XYLB: variants seen among roughly 807,000 people sequenced by gnomAD.
XYLB encodes xylulose kinase.
Under a neutral mutation model 78.7 loss-of-function variants are expected in XYLB, and 62 were observed. The ratio of observed to expected loss-of-function variants is 0.79; its 90% CI spans 0.64 to 0.97. The LOEUF is 0.97. Ranked by LOEUF, XYLB falls within the 50% of genes least tolerant of loss-of-function variation. The pLI is 0.00. For missense variants in XYLB, 687 were observed against 676.8 expected (o/e 1.02, Z -0.17); for synonymous variants, 245 against 247.4 (o/e 0.99, Z 0.09).
chr3:38,397,249 C>T (rs1241302779), intron 17 of XYLB, 90 bp downstream of exon 17: 1 of 1,258,814 alleles, frequency 7.9e-7, no homozygotes, highest in East Asian at 2.3e-5. Context: ...TGAGGTGTAC[C>T]CAGTCTTTGG....
chr3:38,424,113 T>G (rs1303444116), downstream of XYLB, among the ~76,000 whole-genome samples: 2 of 152,274 alleles, frequency 1.3e-5, no homozygotes, highest in East Asian at 3.9e-4. Context: ...TTACAGCTGA[T>G]TGAAAAGCAA....
downstream of XYLB, among the ~76,000 whole-genome samples, chr3:38,419,594 AT>A (rs1559628746): frequency 4.4e-3 from 535 of 121,216 alleles, 93 homozygotes; most frequent in Admixed American, 0.042. Flanking sequence ...ATATATATAT[AT>A]ATATATATAA....
intron 15 of XYLB, among the ~76,000 whole-genome samples, chr3:38,381,846 A>G (rs1446528880): frequency 6.6e-6 from 1 of 152,198 alleles, no homozygotes; most frequent in East Asian, 1.9e-4. Context: ...TTTTAATTTC[A>G]CCTCGGTCCT....
In XYLB at chr3:38,413,236, C is replaced by T. The variant is rs1708671214; in HGVS notation, c.*223C>T. On this transcript the variant is annotated 3_prime_UTR_variant, in exon 19 of 19. Transcript: ENST00000207870. ...CGTGTGCCCCAGGGCAGGAAAGCAT[C>T]TCTCTTTTCCTGTCTTTTATCCCAG... 3 of 442,758 alleles carry T rather than the reference C, an allele frequency of 6.8e-6. No homozygotes were observed. In the Admixed American group the frequency reaches 1.3e-4, roughly 20 times the overall value. The allele number at this position is 442,758 out of a possible 1,614,324, so 27.4% of individuals were successfully genotyped here.
Position 38,387,064 on chromosome 3 carries a change from AAT to A in XYLB, c.1291+7723_1291+7724del, listed in dbSNP as rs528309150. 3.6e-3 allele frequency among the ~76,000 whole-genome samples: 548 copies of A among 152,210 alleles called. 1 individual carries two copies. The highest frequency in any genetic ancestry group is 0.016 in the South Asian group (78 of 4,826). On this transcript the variant is annotated intron_variant, in intron 15 of 18. Transcript: ENST00000207870. ...CTGGCTGATTTAAGATTTTTCTATT[AAT>A]CTTTGATTTTCAGCAGTTTGATTAT...
Position 38,392,467 on chromosome 3 carries a change from T to G in XYLB, c.1292-3038T>G, listed in dbSNP as rs143421603. ...CGCACACCACCATGCCCAGCTAATT[T>G]TGTATTTTTAGTAGAGATGGGATTT... On this transcript the variant is annotated intron_variant, in intron 15 of 18. Coordinates refer to ENST00000207870, the MANE Select transcript of XYLB (RefSeq NM_005108.4). Among the ~76,000 whole-genome samples, 618 of 152,142 alleles carry G rather than the reference T, an allele frequency of 4.1e-3. 3 individuals are homozygous for G. The highest frequency in any genetic ancestry group is 0.014 in the African/African-American group (592 of 41,490).
chr3:38,393,131 T>C (rs1707737359), intron 15 of XYLB, among the ~76,000 whole-genome samples: 1 of 152,114 alleles, frequency 6.6e-6, no homozygotes, highest in African/African-American at 2.4e-5. Flanking sequence ...CATGGGTCTT[T>C]CTCTGTACTC....
chr3:38,434,468 C>G, the XYLB span, among the ~76,000 whole-genome samples: 1 of 152,138 alleles, frequency 6.6e-6, no homozygotes, highest in African/African-American at 2.4e-5. Context: ...TTTTATTCAA[C>G]AAAGTTACCC....
At chr3:38,376,087 C>A (rs767651953) in intron 12 of XYLB, 30 bp from the exon 13 acceptor site, 10 of 1,477,434 alleles carry the variant, frequency 6.8e-6, no homozygotes. Flanking sequence ...GCACCAGCTC[C>A]CTCCCTCAGA....
chr3:38,376,032 C>T (rs1706835826), intron 12 of XYLB, 85 bp from the exon 13 acceptor site: 6 of 924,598 alleles, frequency 6.5e-6, no homozygotes, highest in Non-Finnish European at 1.1e-5. Context: ...CCTGCAGTTC[C>T]TCTGCCTGAG....
rs1179980950 is a variant in XYLB, at chr3:38,414,012, G to C, written c.*999G>C. 6.6e-6 allele frequency: 1 copy of C among 151,980 alleles called. No homozygotes were observed. The highest frequency in any genetic ancestry group is 1.9e-4 in the East Asian group (1 of 5,178). The allele number at this position is 151,980 out of a possible 1,614,324, so 9.4% of individuals were successfully genotyped here. On this transcript the variant is annotated 3_prime_UTR_variant, in exon 19 of 19. Coordinates refer to ENST00000207870, the MANE Select transcript of XYLB (RefSeq NM_005108.4). ...TTTTTCCTTCCTCTTTATCCCTCCT[G>C]TTTTACTTTATACCTCTCTATTCCT...
intron 2 of XYLB, among the ~76,000 whole-genome samples, chr3:38,354,359 C>A (rs188927862): frequency 9.9e-5 from 15 of 152,158 alleles, no homozygotes; most frequent in African/African-American, 3.6e-4. Flanking sequence ...TGAGCCATTG[C>A]ACCCGGCCTG....
downstream of XYLB, among the ~76,000 whole-genome samples, chr3:38,420,725 C>CT (rs1413165407): frequency 2.9e-5 from 3 of 104,248 alleles, no homozygotes; most frequent in Non-Finnish European, 4.7e-5. Flanking sequence ...AGAATATCCC[C>CT]CTTTTTTTTT....
At chr3:38,388,963 T>A (rs1229675158) in intron 15 of XYLB, among the ~76,000 whole-genome samples, 14 of 150,024 alleles carry the variant, frequency 9.3e-5, no homozygotes, top group Non-Finnish European at 1.6e-4. Context: ...TTTTTTTTTT[T>A]ATTGATCATT....
At chr3:38,364,746 C>T (rs1706157496) in intron 4 of XYLB, among the ~76,000 whole-genome samples, 1 of 151,980 alleles carries the variant, frequency 6.6e-6, no homozygotes, top group Admixed American at 6.6e-5. Context: ...CATTTGTGTC[C>T]TTTTCCCTGA....
chr3:38,408,579 A>G (rs1208175814), intron 18 of XYLB, among the ~76,000 whole-genome samples: 8 of 152,194 alleles, frequency 5.3e-5, no homozygotes, highest in Non-Finnish European at 1.2e-4. Flanking sequence ...ACCCTTCAAA[A>G]AATTAATGAA....
Position 38,412,993 on chromosome 3 carries a change from A to T in XYLB, c.1591A>T (p.Thr531Ser). 1 of 1,602,766 alleles carries T rather than the reference A, an allele frequency of 6.2e-7. No individual in the cohort carries two copies. Among genetic ancestry groups the T allele is most frequent in the Non-Finnish European group, 8.5e-7 (1 of 1,176,044 alleles). The change falls in exon 19 of 19, where the codon ACC (threonine) becomes TCC (serine). Residue 531 changes from threonine to serine, a missense_variant. Thr to Ser is a moderately conservative substitution (Grantham distance 58, BLOSUM62 1). Transcript: ENST00000207870. The part of the protein sequence containing the change: ...AKLEQRILSQ[T>S]RGPPE The stretch of plus-strand genomic sequence containing the variant: ...ACTCGAGCAGAGAATCTTGTCTCAG[A>T]CCCGGGGGCCTCCGGAGTGAACAGG...
chr3:38,388,175 T>TGG (rs1559602835), intron 15 of XYLB, among the ~76,000 whole-genome samples: 1 of 137,728 alleles, frequency 7.3e-6, no homozygotes, highest in Non-Finnish European at 1.6e-5. Context: ...TTTTGTTTTT[T>TGG]TTTTTTTTTT....
intron 2 of XYLB, chr3:38,356,804 A>G (rs1236922001): frequency 1.3e-5 from 2 of 152,240 alleles, no homozygotes; most frequent in African/African-American, 4.8e-5. Context: ...TTATTCTGCT[A>G]TGAACATCCA....
Sources: gnomAD v4.1 joint callset for allele counts (sites outside exome capture counted in the v4.1 genomes callset) on GRCh38, gnomAD v4.1.1 for gene constraint, MANE v1.5 for transcripts, NCBI Gene and HGNC (gene_info 2026-07-23, HGNC 2026-07-21) for gene names.